Variants in UNC5C observed in about 807,000 individuals in gnomAD.
UNC5C encodes unc-5 netrin receptor C.
A neutral mutation model predicts 99.8 loss-of-function variants in UNC5C; 47 were observed. That is an observed-to-expected ratio of 0.47 (90% CI 0.37 to 0.60). The LOEUF (loss-of-function observed/expected upper bound fraction) is 0.60, where lower values mean the gene tolerates loss of function less well. Ranked by LOEUF, UNC5C falls within the 20% of genes least tolerant of loss-of-function variation. UNC5C has a pLI of 0.00. For synonymous variants in UNC5C, 487 were observed against 452.2 expected (o/e 1.08, Z -0.98); for missense variants, 1,062 against 1,165.9 (o/e 0.91, Z 1.30).
At chr4:95,495,185 A>G (rs979938456) in intron 1 of UNC5C, among the ~76,000 whole-genome samples, 16 of 151,416 alleles carry the variant, frequency 1.1e-4, no homozygotes, top group African/African-American at 3.9e-4. Context: ...CTAAGTAATC[A>G]CTTATTTTCT....
chr4:95,423,507 G>T (rs960415064), intron 1 of UNC5C, among the ~76,000 whole-genome samples: 1 of 152,164 alleles, frequency 6.6e-6, no homozygotes, highest in Admixed American at 6.5e-5. Flanking sequence ...ATCTGAAAAA[G>T]CTGTCACAAT....
intron 1 of UNC5C, among the ~76,000 whole-genome samples, chr4:95,401,945 G>A (rs1406075447): frequency 6.6e-6 from 1 of 152,226 alleles, no homozygotes; most frequent in Non-Finnish European, 1.5e-5. Context: ...CTTTTCGAAA[G>A]TGGTATCTTA....
At chr4:95,527,127 G>T (rs1331616756) in intron 1 of UNC5C, among the ~76,000 whole-genome samples, 1 of 151,992 alleles carries the variant, frequency 6.6e-6, no homozygotes, top group African/African-American at 2.4e-5. Flanking sequence ...TCCTAAAAAT[G>T]AAGATCCTCA....
chr4:95,312,917 A>G (rs1742325844), intron 2 of UNC5C, among the ~76,000 whole-genome samples: 1 of 152,192 alleles, frequency 6.6e-6, no homozygotes, highest in African/African-American at 2.4e-5. Flanking sequence ...CATGGCTCTC[A>G]GTATGGTTTT....
chr4:95,480,218 C>T lies in UNC5C; in HGVS notation c.124+68516G>A, dbSNP rs138753611. On this transcript the variant is annotated intron_variant, in intron 1 of 15. Coordinates refer to ENST00000453304, the MANE Select transcript of UNC5C (RefSeq NM_003728.4). Reference sequence around the variant, plus strand: ...ACATATATATGTATACACAAGTATACATGTATATATACATTCATAATGTAT... The same window carrying T: ...ACATATATATGTATACACAAGTATATATGTATATATACATTCATAATGTAT... Among the ~76,000 whole-genome samples, 419 of 148,826 alleles carry T rather than the reference C, an allele frequency of 2.8e-3. 11 individuals are homozygous for T. Among genetic ancestry groups the T allele is most frequent in the African/African-American group, 9.9e-3 (395 of 39,800 alleles).
chr4:95,314,602 C>T (rs555149826), intron 2 of UNC5C, among the ~76,000 whole-genome samples: 1 of 152,258 alleles, frequency 6.6e-6, no homozygotes, highest in African/African-American at 2.4e-5. Context: ...ACAGAATAAG[C>T]TAACATCCAT....
chr4:95,389,003 C>A (rs999043612), intron 1 of UNC5C, among the ~76,000 whole-genome samples: 4 of 152,010 alleles, frequency 2.6e-5, no homozygotes, highest in African/African-American at 7.2e-5. Flanking sequence ...TTCAAAAATT[C>A]TTTGCCAGGT....
intron 14 of UNC5C, among the ~76,000 whole-genome samples, chr4:95,180,513 T>C (rs1165839533): frequency 6.6e-6 from 1 of 152,256 alleles, no homozygotes; most frequent in African/African-American, 2.4e-5. Flanking sequence ...ACATTTTCCT[T>C]CTTAAACTTC....
Position 95,414,383 on chromosome 4 carries a change from G to A in UNC5C, c.125-78752C>T, listed in dbSNP as rs549015602. Among the ~76,000 whole-genome samples the A allele has an allele frequency of 9.2e-5, 14 of 152,320 alleles. 1 individual carries two copies. In the South Asian group the frequency reaches 2.9e-3, roughly 32 times the overall value. On this transcript the variant is annotated intron_variant, in intron 1 of 15. Transcript: ENST00000453304. ...GCTGCCAACACCTCCCGGGTGGCTT[G>A]CCAGTGTCCCCAGACACAAGCTGAG...
At chr4:95,371,871 T>C (rs971101788) in intron 1 of UNC5C, among the ~76,000 whole-genome samples, 2 of 152,186 alleles carry the variant, frequency 1.3e-5, no homozygotes, top group Admixed American at 6.5e-5. Context: ...TAACCCTTAC[T>C]AACTTTGGCA....
intron 4 of UNC5C, among the ~76,000 whole-genome samples, chr4:95,261,738 C>CT (rs1740240470): frequency 6.7e-6 from 1 of 150,344 alleles, no homozygotes; most frequent in African/African-American, 2.5e-5. Context: ...GTGTCTCGCT[C>CT]TGTCGCCCAG....
intron 2 of UNC5C, among the ~76,000 whole-genome samples, chr4:95,332,631 T>C (rs1006817091): frequency 2.0e-5 from 3 of 151,150 alleles, no homozygotes; most frequent in African/African-American, 7.2e-5. Context: ...GAAGAAAACC[T>C]AGGCATTACC....
chr4:95,198,491 T>TAA (rs995936755), intron 12 of UNC5C, among the ~76,000 whole-genome samples: 1 of 152,090 alleles, frequency 6.6e-6, no homozygotes, highest in Non-Finnish European at 1.5e-5. Context: ...GCTACTAGAA[T>TAA]AAGTTTGGGC....
intron 4 of UNC5C, among the ~76,000 whole-genome samples, chr4:95,253,249 G>T (rs2149383014): frequency 6.6e-6 from 1 of 152,238 alleles, no homozygotes; most frequent in East Asian, 1.9e-4. Flanking sequence ...TTCCTCCTAT[G>T]TAAATGATGT....
intron 1 of UNC5C, among the ~76,000 whole-genome samples, chr4:95,416,425 G>A (rs1156756288): frequency 6.6e-6 from 1 of 152,092 alleles, no homozygotes; most frequent in Non-Finnish European, 1.5e-5. Context: ...AGTATCTTGG[G>A]GACAGTGACT....
chr4:95,252,485 C>A (rs907079449), intron 4 of UNC5C, among the ~76,000 whole-genome samples: 5 of 152,088 alleles, frequency 3.3e-5, no homozygotes, highest in Admixed American at 1.3e-4. Flanking sequence ...TATAACTTCC[C>A]CATTAGCCCC....
At chr4:95,421,061 T>C (rs1746303687) in intron 1 of UNC5C, among the ~76,000 whole-genome samples, 1 of 152,156 alleles carries the variant, frequency 6.6e-6, no homozygotes, top group Non-Finnish European at 1.5e-5. Context: ...TCTGGGCAAA[T>C]AGGACCAAGA....
chr4:95,337,351 G>C (rs988151255), intron 1 of UNC5C, among the ~76,000 whole-genome samples: 2 of 151,856 alleles, frequency 1.3e-5, no homozygotes, highest in Non-Finnish European at 2.9e-5. Context: ...AACTTGAAAA[G>C]GAATGATTGC....
At chr4:95,237,811 G>A (rs539280376) in intron 7 of UNC5C, among the ~76,000 whole-genome samples, 9 of 152,250 alleles carry the variant, frequency 5.9e-5, no homozygotes, top group African/African-American at 1.9e-4. Context: ...TTGGGAAGCC[G>A]ACGCGGCAGA....
Sources: gnomAD v4.1 joint callset for allele counts (sites outside exome capture counted in the v4.1 genomes callset) on GRCh38, gnomAD v4.1.1 for gene constraint, MANE v1.5 for transcripts, NCBI Gene and HGNC (gene_info 2026-07-23, HGNC 2026-07-21) for gene names.